WBP2: variants seen among roughly 807,000 people sequenced by gnomAD.
The protein encoded by WBP2 is WW domain-binding protein 2.
In WBP2, 23 loss-of-function variants were observed where a neutral mutation model predicts 33.0. The observed-to-expected ratio is 0.70, with a 90% CI of 0.50 to 0.99. The LOEUF (loss-of-function observed/expected upper bound fraction) is 0.99. Among genes scored for constraint, WBP2 ranks in the 50% least tolerant of loss-of-function variants. The pLI, the probability that WBP2 is intolerant of heterozygous loss-of-function variation, is 0.00. For synonymous variants in WBP2, 153 were observed against 133.5 expected (o/e 1.15, Z -1.01); for missense variants, 353 against 358.0 (o/e 0.99, Z 0.11).
At chr17:75,854,094 G>A (rs966155527) in intron 1 of WBP2, among the ~76,000 whole-genome samples, 17 of 140,926 alleles carry the variant, frequency 1.2e-4, no homozygotes, top group Admixed American at 2.9e-4. Context: ...ACTGCTCAGA[G>A]AAAAGAAGGA....
rs374782199 is a variant in WBP2 at position 75,846,803 on chromosome 17, A to C, written c.733-16T>G. On this transcript the variant is annotated splice_polypyrimidine_tract_variant and intron_variant, in intron 7 of 7. Coordinates refer to ENST00000254806, the MANE Select transcript of WBP2 (RefSeq NM_012478.4). The surrounding 1 kb of genome is among the most constrained non-coding windows in gnomAD (Gnocchi z 4.8). ...GCGGCTGGCTCTAAAGAAGGGAGAA[A>C]GGAGAGACTTGCATTAGAAGGTTTA... The C allele has an allele frequency of 6.3e-7, 1 of 1,581,084 alleles. No homozygotes were observed. The highest frequency in any genetic ancestry group is 1.4e-5 in the African/African-American group (1 of 74,050).
intron 1 of WBP2, among the ~76,000 whole-genome samples, chr17:75,854,307 T>C (rs1599426516): frequency 6.6e-6 from 1 of 152,146 alleles, no homozygotes; most frequent in Admixed American, 6.6e-5. Context: ...CTAAGCTCCT[T>C]CTGCCTTCAA....
At chr17:75,851,747 T>C (rs916139623) in intron 1 of WBP2, 71 bp from the exon 2 acceptor site, 59 of 1,175,998 alleles carry the variant, frequency 5.0e-5, no homozygotes, top group Non-Finnish European at 6.5e-5. Flanking sequence ...ACACTGGGCC[T>C]TTCTCCCAAG....
intron 3 of WBP2, chr17:75,849,341 A>C: frequency 2.5e-6 from 1 of 402,028 alleles, no homozygotes; most frequent in Non-Finnish European, 4.5e-6. Context: ...TGCGCTCGCC[A>C]AGTTGCACTA....
intron 5 of WBP2, 39 bp from the exon 6 acceptor site, chr17:75,847,648 C>G: frequency 1.2e-6 from 2 of 1,611,854 alleles, no homozygotes; most frequent in South Asian, 1.1e-5. Context: ...GGTGAGCACC[C>G]GGCTGCGGCC....
Position 75,846,660 on chromosome 17 carries a change from C to A in WBP2, c.*74G>T. On this transcript the variant is annotated 3_prime_UTR_variant, in exon 8 of 8. Transcript: ENST00000254806. This position sits in a 1 kb window ranked among gnomAD's most constrained non-coding sequence, Gnocchi z 4.8. ...GAGAACAAGGCGCCCCCTCCCCTCC[C>A]CAAGCCCCAGCACAGCCCCGATGGG... 1 of 1,492,982 alleles carries A rather than the reference C, an allele frequency of 6.7e-7. No homozygotes were observed. Among genetic ancestry groups the A allele is most frequent in the South Asian group, 1.3e-5 (1 of 78,832 alleles). The allele number at this position is 1,492,982 out of a possible 1,614,324, so 92.5% of individuals were successfully genotyped here.
In WBP2 at chr17:75,847,797, A is replaced by T; in HGVS notation, c.531T>A (p.Pro177=). The change falls in exon 5 of 8, where the codon CCT becomes CCA. Residue 177 remains proline, a splice_region_variant and synonymous_variant. Transcript: ENST00000254806. ...GGGGGCAGCAAAGGACACACTCACC[A>T]GGTGGGGGCGGTGGATAGGGGTAGC... ...PPGYPYPPPP[P]EFYPGPPMMD... 6.4e-7 allele frequency: 1 copy of T among 1,555,268 alleles called. No individual in the cohort carries two copies. The highest frequency in any genetic ancestry group is 8.7e-7 in the Non-Finnish European group (1 of 1,148,778).
chr17:75,854,643 G>A lies in WBP2; in HGVS notation c.59+596C>T, dbSNP rs557431844. Among the ~76,000 whole-genome samples, 3 of 152,184 alleles carry A rather than the reference G, an allele frequency of 2.0e-5. No homozygotes were observed. In the South Asian group the frequency reaches 6.2e-4, roughly 32 times the overall value. ...ACCTCTGGGACCTCAGTTTTTTACCGGGAACCTGAACAGTTCTGGAACATA... is the reference window on the plus strand; with the variant it reads ...ACCTCTGGGACCTCAGTTTTTTACCAGGAACCTGAACAGTTCTGGAACATA... On this transcript the variant is annotated intron_variant, in intron 1 of 7. Transcript: ENST00000254806.
intron 4 of WBP2, 94 bp downstream of exon 4, chr17:75,848,476 T>C (rs1276608204): frequency 3.2e-6 from 4 of 1,236,644 alleles, no homozygotes; most frequent in Non-Finnish European, 3.5e-6. Context: ...ACCTCTTGAG[T>C]TCTTGAAAAA....
At chr17:75,851,334 G>T in intron 2 of WBP2, 2 of 410,426 alleles carry the variant, frequency 4.9e-6, no homozygotes, top group South Asian at 5.8e-5. Context: ...TTGCAGCAGC[G>T]GCTCTGGAAT....
chr17:75,855,500 C>T, upstream of WBP2: 1 of 602,616 alleles, frequency 1.7e-6, no homozygotes, highest in Admixed American at 2.9e-5. Flanking sequence ...AAGATGAAGA[C>T]TACAATTCCC....
chr17:75,845,867 G>A lies in WBP2; in HGVS notation c.*867C>T, dbSNP rs1421970329. The A allele has an allele frequency of 3.3e-5, 5 of 152,610 alleles. No homozygotes were observed. Among genetic ancestry groups the A allele is most frequent in the African/African-American group, 9.6e-5 (4 of 41,458 alleles). 9.5% of individuals were successfully genotyped at this position (152,610 alleles called of 1,614,324 possible). A position where few individuals can be genotyped will look rare whatever the true frequency, so the allele number is the denominator to read the frequency against. On this transcript the variant is annotated 3_prime_UTR_variant, in exon 8 of 8. Coordinates refer to ENST00000254806, the MANE Select transcript of WBP2 (RefSeq NM_012478.4). ...GGCCAGTCCAGGGACAAACAAGAGT[G>A]AATGTTAGCGCATCCAGGGGCACAA...
rs755361750 is a variant in WBP2, at chr17:75,848,697, GA to G, written c.305-36del. The G allele has an allele frequency of 2.5e-5, 39 of 1,577,050 alleles. No homozygotes were observed. In the East Asian group the frequency reaches 6.8e-4, roughly 28 times the overall value. ...GAAGGACAGTGAATAAACAGCACAG[GA>G]AAAGAAAACTTATGCCCAAAGAGAT... On this transcript the variant is annotated intron_variant, in intron 3 of 7. Coordinates refer to ENST00000254806, the MANE Select transcript of WBP2 (RefSeq NM_012478.4).
intron 4 of WBP2, 135 bp downstream of exon 4, chr17:75,848,435 T>C: frequency 2.5e-6 from 2 of 791,172 alleles, no homozygotes; most frequent in South Asian, 1.6e-5. Flanking sequence ...TCCCAACTCC[T>C]AGGCCTGGTC....
rs372875406 is a variant in WBP2 at position 75,851,724 on chromosome 17, C to T, written c.60-48G>A. ...GCCTCAATGAGACAGTATGGAGACG[C>T]GACGTCACCCAGACACTGGGCCTTT... On this transcript the variant is annotated intron_variant, in intron 1 of 7. Coordinates refer to ENST00000254806, the MANE Select transcript of WBP2 (RefSeq NM_012478.4). 51 of 1,416,930 alleles carry T rather than the reference C, an allele frequency of 3.6e-5. No homozygotes were observed. The African/African-American group carries it at 3.7e-4, about 10-fold the overall frequency. The allele number at this position is 1,416,930 out of a possible 1,614,324, so 87.8% of individuals were successfully genotyped here. A position where few individuals can be genotyped will look rare whatever the true frequency, so the allele number is the denominator to read the frequency against.
chr17:75,846,646 G>T lies in WBP2; in HGVS notation c.*88C>A. The T allele has an allele frequency of 7.1e-7, 1 of 1,402,918 alleles. No homozygotes were observed. The highest frequency in any genetic ancestry group is 9.8e-7 in the Non-Finnish European group (1 of 1,021,360). The allele number at this position is 1,402,918 out of a possible 1,614,324, so 86.9% of individuals were successfully genotyped here. Reference sequence around the variant, plus strand: ...ATCAGACCTGGAGGGAGAACAAGGCGCCCCCTCCCCTCCCCAAGCCCCAGC... The same window carrying T: ...ATCAGACCTGGAGGGAGAACAAGGCTCCCCCTCCCCTCCCCAAGCCCCAGC... On this transcript the variant is annotated 3_prime_UTR_variant, in exon 8 of 8. Transcript: ENST00000254806. This position sits in a 1 kb window ranked among gnomAD's most constrained non-coding sequence, Gnocchi z 4.8.
Position 75,851,452 on chromosome 17 carries a change from T to A in WBP2, c.168+116A>T, listed in dbSNP as rs535291276. On this transcript the variant is annotated intron_variant, in intron 2 of 7. Transcript: ENST00000254806. ...AACAGGCAGAGTGAAGCACTAACAC[T>A]CACCAGGATTCAGAGGCCACCTGAC... 4 of 730,930 alleles carry A rather than the reference T, an allele frequency of 5.5e-6. No homozygotes were observed. The Admixed American group carries it at 7.5e-5, about 14-fold the overall frequency. The allele number at this position is 730,930 out of a possible 1,614,324, so 45.3% of individuals were successfully genotyped here. A position where few individuals can be genotyped will look rare whatever the true frequency, so the allele number is the denominator to read the frequency against.
At chr17:75,855,084 C>T (rs2065049611) in intron 1 of WBP2, 155 bp downstream of exon 1, 1 of 400,854 alleles carries the variant, frequency 2.5e-6, no homozygotes. Flanking sequence ...ACGGCCCACC[C>T]ACCTTCCTCC....
Position 75,846,646 on chromosome 17 carries a change from GC to G in WBP2, c.*87del. On this transcript the variant is annotated 3_prime_UTR_variant, in exon 8 of 8. Transcript: ENST00000254806. This position sits in a 1 kb window ranked among gnomAD's most constrained non-coding sequence, Gnocchi z 4.8. ...ATCAGACCTGGAGGGAGAACAAGGCGCCCCCTCCCCTCCCCAAGCCCCAGCA... is the reference window on the plus strand; with the variant it reads ...ATCAGACCTGGAGGGAGAACAAGGCGCCCCTCCCCTCCCCAAGCCCCAGCA... 7.1e-7 allele frequency: 1 copy of G among 1,402,916 alleles called. No homozygotes were observed. The highest frequency in any genetic ancestry group is 9.8e-7 in the Non-Finnish European group (1 of 1,021,358). The allele number at this position is 1,402,916 out of a possible 1,614,324, so 86.9% of individuals were successfully genotyped here.
Sources: allele counts gnomAD v4.1 joint callset (sites outside exome capture counted in the v4.1 genomes callset), GRCh38; gene constraint gnomAD v4.1.1; non-coding constraint Gnocchi (gnomAD v3.1); transcripts MANE v1.5; gene names NCBI Gene and HGNC (gene_info 2026-07-23, HGNC 2026-07-21).